Variants in LRP1B observed in about 807,000 individuals in gnomAD.
LRP1B encodes LDL receptor related protein 1B, also known as low-density lipoprotein receptor-related protein 1B.
A neutral mutation model predicts 556.6 loss-of-function variants in LRP1B; 217 were observed. That is an observed-to-expected ratio of 0.39 (90% CI 0.35 to 0.44). The LOEUF is 0.44. Ranked by LOEUF, LRP1B falls within the 20% of genes least tolerant of loss-of-function variation. The pLI is 1.00. For synonymous variants in LRP1B, 2,047 were observed against 1,865.8 expected (o/e 1.10, Z -2.50); for missense variants, 5,053 against 5,620.8 (o/e 0.90, Z 3.23).
chr2:141,543,169 A>T (rs1685327586), intron 2 of LRP1B, among the ~76,000 whole-genome samples: 1 of 152,088 alleles, frequency 6.6e-6, no homozygotes, highest in South Asian at 2.1e-4. Flanking sequence ...GTCAGGAAGA[A>T]TTTGCAGATA....
chr2:141,175,896 C>T (rs7579252), intron 7 of LRP1B, among the ~76,000 whole-genome samples: 71,771 of 151,942 alleles, frequency 0.47, 18,482 homozygotes, highest in Middle Eastern at 0.64. Flanking sequence ...GGAGCCCACC[C>T]CTTGTATCAG....
chr2:141,505,574 CTG>C (rs993808964), intron 2 of LRP1B, among the ~76,000 whole-genome samples: 1 of 152,030 alleles, frequency 6.6e-6, no homozygotes, highest in Non-Finnish European at 1.5e-5. Flanking sequence ...TTATAAGAGA[CTG>C]TTAAAATTAT....
Position 141,062,234 on chromosome 2 carries a change from C to G in LRP1B, c.1053G>C (p.Val351=), listed in dbSNP as rs1305121961. ...FFTDYGNVAK[V]ERCDMDGMNR... ...TCATCCCATCCATGTCACATCTCTC[C>G]ACTTTGGCGACATTCCCGTAGTCAG... Residue 351 remains valine, a synonymous_variant, in exon 8 of 91, where the codon GTG becomes GTC. Coordinates refer to ENST00000389484, the MANE Select transcript of LRP1B (RefSeq NM_018557.3). The G allele has an allele frequency of 6.2e-7, 1 of 1,611,166 alleles. No individual in the cohort carries two copies. Among genetic ancestry groups the G allele is most frequent in the Non-Finnish European group, 8.5e-7 (1 of 1,178,250 alleles).
intron 85 of LRP1B, 61 bp downstream of exon 85, chr2:140,274,363 T>C (rs1682582857): frequency 7.0e-7 from 1 of 1,424,200 alleles, no homozygotes; most frequent in Non-Finnish European, 9.9e-7. Context: ...TATTTATTAC[T>C]GAACTGCAAT....
intron 1 of LRP1B, among the ~76,000 whole-genome samples, chr2:142,102,694 G>C (rs1706611917): frequency 6.6e-6 from 1 of 151,706 alleles, no homozygotes; most frequent in Admixed American, 6.6e-5. Context: ...GGAAGATCTA[G>C]AAAACAGAAT....
At chr2:141,685,314 TG>T (rs1691256328) in intron 2 of LRP1B, among the ~76,000 whole-genome samples, 2 of 152,088 alleles carry the variant, frequency 1.3e-5, no homozygotes, top group Admixed American at 1.3e-4. Flanking sequence ...TGATTATATT[TG>T]GGACTTTTGA....
chr2:141,023,264 C>A (rs1698118140), intron 11 of LRP1B, among the ~76,000 whole-genome samples: 1 of 151,796 alleles, frequency 6.6e-6, no homozygotes, highest in Non-Finnish European at 1.5e-5. Flanking sequence ...GCATTAAACA[C>A]CCACACACTC....
At chr2:141,436,711 G>C (rs984955606) in intron 3 of LRP1B, among the ~76,000 whole-genome samples, 2 of 152,048 alleles carry the variant, frequency 1.3e-5, no homozygotes, top group African/African-American at 4.8e-5. Flanking sequence ...TATTGTCTGG[G>C]ATAAATTTCC....
chr2:140,429,991 C>T (rs943154829), intron 66 of LRP1B, among the ~76,000 whole-genome samples: 8 of 152,204 alleles, frequency 5.3e-5, no homozygotes, highest in South Asian at 2.1e-4. Context: ...GACTTCAATC[C>T]GGCCTCCCTC....
intron 77 of LRP1B, among the ~76,000 whole-genome samples, chr2:140,336,953 A>C (rs1362075440): frequency 6.6e-6 from 1 of 151,802 alleles, no homozygotes; most frequent in East Asian, 1.9e-4. Context: ...TTACAACTAG[A>C]TGTGTAATCA....
chr2:141,356,883 G>A lies in LRP1B; in HGVS notation c.344-102242C>T, dbSNP rs1231546190. ...CACTCAAAGCTTTTTTCTTATTATC[G>A]CAACCTATCACCAACTGTAGAGGTT... On this transcript the variant is annotated intron_variant, in intron 3 of 90. Transcript: ENST00000389484. 8.6e-5 allele frequency among the ~76,000 whole-genome samples: 13 copies of A among 151,758 alleles called. No homozygotes were observed. In the East Asian group the frequency reaches 2.3e-3, roughly 27 times the overall value.
intron 41 of LRP1B, among the ~76,000 whole-genome samples, chr2:140,659,668 A>C (rs939787826): frequency 2.6e-5 from 4 of 152,106 alleles, no homozygotes; most frequent in Non-Finnish European, 5.9e-5. Flanking sequence ...GATACAAAGG[A>C]AGGTACAAAG....
chr2:141,129,468 C>T (rs1701295794), intron 7 of LRP1B, among the ~76,000 whole-genome samples: 1 of 151,298 alleles, frequency 6.6e-6, no homozygotes, highest in Non-Finnish European at 1.5e-5. Context: ...GAAGACTATA[C>T]ACAAAAGTGC....
chr2:140,897,765 C>T (rs979824419), intron 23 of LRP1B, among the ~76,000 whole-genome samples: 2 of 152,122 alleles, frequency 1.3e-5, no homozygotes, highest in Non-Finnish European at 2.9e-5. Flanking sequence ...AACTCTTGTA[C>T]CTACACCAGT....
intron 2 of LRP1B, among the ~76,000 whole-genome samples, chr2:141,535,887 G>T (rs946535691): frequency 2.0e-5 from 3 of 152,060 alleles, no homozygotes; most frequent in Non-Finnish European, 4.4e-5. Context: ...TCTGAAATAT[G>T]CTTCTATATC....
intron 2 of LRP1B, among the ~76,000 whole-genome samples, chr2:141,742,678 A>T (rs1449080385): frequency 3.9e-5 from 6 of 152,068 alleles, no homozygotes; most frequent in Non-Finnish European, 2.9e-5. Context: ...TTTGCTGGGA[A>T]TTGATTGAAT....
At chr2:140,633,073 A>G (rs1574168122) in intron 41 of LRP1B, among the ~76,000 whole-genome samples, 1 of 151,128 alleles carries the variant, frequency 6.6e-6, no homozygotes, top group Non-Finnish European at 1.5e-5. Flanking sequence ...AAAAAAAAGA[A>G]AAAAAAAAGA....
At chr2:140,367,155 A>G (rs1682798738) in intron 71 of LRP1B, among the ~76,000 whole-genome samples, 1 of 151,764 alleles carries the variant, frequency 6.6e-6, no homozygotes, top group South Asian at 2.1e-4. Flanking sequence ...TCTTTAAAGA[A>G]GAAGGTGAAG....
At chr2:142,061,985 G>A (rs1704936262) in intron 1 of LRP1B, among the ~76,000 whole-genome samples, 1 of 151,830 alleles carries the variant, frequency 6.6e-6, no homozygotes, top group African/African-American at 2.4e-5. Flanking sequence ...TGAGTGGGCT[G>A]CTGCTATTGC....
Sources: allele counts gnomAD v4.1 joint callset (sites outside exome capture counted in the v4.1 genomes callset), GRCh38; gene constraint gnomAD v4.1.1; transcripts MANE v1.5; gene names NCBI Gene and HGNC (gene_info 2026-07-23, HGNC 2026-07-21).